DLGAP4: variants seen among roughly 807,000 people sequenced by gnomAD.
DLGAP4 encodes the protein DLG associated protein 4.
Under a neutral mutation model 86.9 loss-of-function variants are expected in DLGAP4, and 18 were observed. The ratio of observed to expected loss-of-function variants is 0.21; its 90% CI spans 0.14 to 0.31. DLGAP4 has a LOEUF of 0.31. Ranked by LOEUF, DLGAP4 falls within the 10% of genes least tolerant of loss-of-function variation. The pLI, the probability that DLGAP4 is intolerant of heterozygous loss-of-function variation, is 1.00. For synonymous variants in DLGAP4, 548 were observed against 574.3 expected (o/e 0.95, Z 0.65); for missense variants, 1,085 against 1,362.6 (o/e 0.80, Z 3.21).
At chr20:36,524,370 A>AG in intron 11 of DLGAP4, 29 bp downstream of exon 11, 1 of 1,592,402 alleles carries the variant, frequency 6.3e-7, no homozygotes, top group Non-Finnish European at 8.6e-7. Context: ...CCTCCACAGC[A>AG]GGGCTTCCAG....
chr20:36,510,010 C>G (rs2036601671), intron 10 of DLGAP4, among the ~76,000 whole-genome samples: 1 of 151,874 alleles, frequency 6.6e-6, no homozygotes, highest in African/African-American at 2.4e-5. Flanking sequence ...GCATGCGCCA[C>G]CACGCCCCAC....
chr20:36,413,216 G>A (rs1395756059), intron 2 of DLGAP4, among the ~76,000 whole-genome samples: 2 of 151,718 alleles, frequency 1.3e-5, no homozygotes, highest in African/African-American at 2.4e-5. Context: ...CACCTCAGAT[G>A]ATCCACCCAC....
At position 36,448,404 on chromosome 20, in the gene DLGAP4, T is replaced by C. The variant is rs777869176; in HGVS notation, c.1648+1467T>C. ...AGGAAAAACAGCACAATTTATTGTT[T>C]ATCAATAGTAGAGAGAGGTTTGAGC... On this transcript the variant is annotated intron_variant, in intron 7 of 12. Coordinates refer to ENST00000339266, the MANE Select transcript of DLGAP4 (RefSeq NM_001365621.2). Among the ~76,000 whole-genome samples, 11 of 152,174 alleles carry C rather than the reference T, an allele frequency of 7.2e-5. No individual in the cohort carries two copies. The East Asian group carries it at 2.1e-3, about 29-fold the overall frequency.
chr20:36,484,481 G>A (rs1448729471), intron 7 of DLGAP4, among the ~76,000 whole-genome samples: 3 of 152,260 alleles, frequency 2.0e-5, no homozygotes, highest in Non-Finnish European at 4.4e-5. Flanking sequence ...TGGCAACTGA[G>A]CAGGTCCCTC....
chr20:36,311,552 C>A (rs1164385037), intron 1 of DLGAP4, among the ~76,000 whole-genome samples: 1 of 152,186 alleles, frequency 6.6e-6, no homozygotes, highest in African/African-American at 2.4e-5. Flanking sequence ...ATAACTGTAT[C>A]ACTGGCTAGC....
intron 2 of DLGAP4, among the ~76,000 whole-genome samples, chr20:36,405,246 C>T (rs1012400168): frequency 3.3e-5 from 5 of 152,144 alleles, no homozygotes; most frequent in African/African-American, 1.2e-4. Context: ...TGGATTTAAA[C>T]GGCCTGGGTT....
intron 6 of DLGAP4, among the ~76,000 whole-genome samples, chr20:36,445,375 C>A (rs2033563445): frequency 1.3e-5 from 2 of 152,088 alleles, no homozygotes. Flanking sequence ...ATGGTGGCAC[C>A]TGCCTATAGT....
chr20:36,430,620 C>A (rs2033102191), intron 2 of DLGAP4, among the ~76,000 whole-genome samples: 1 of 127,072 alleles, frequency 7.9e-6, no homozygotes, highest in Admixed American at 9.7e-5. Context: ...GAGGCCAAGG[C>A]TGCAGTGAGC....
chr20:36,317,796 C>T (rs1454576562), intron 1 of DLGAP4, among the ~76,000 whole-genome samples: 1 of 152,032 alleles, frequency 6.6e-6, no homozygotes, highest in African/African-American at 2.4e-5. Context: ...GTGAGCATCT[C>T]TAGCTGGGTG....
At chr20:36,401,184 T>A (rs1022190129) in intron 2 of DLGAP4, among the ~76,000 whole-genome samples, 1 of 152,070 alleles carries the variant, frequency 6.6e-6, no homozygotes, top group African/African-American at 2.4e-5. Flanking sequence ...CCTGAGAAAA[T>A]GATATGCCTG....
intron 2 of DLGAP4, among the ~76,000 whole-genome samples, chr20:36,388,804 C>A (rs76324381): frequency 6.6e-6 from 1 of 152,146 alleles, no homozygotes; most frequent in Non-Finnish European, 1.5e-5. Flanking sequence ...ACTTTTCCTG[C>A]GATTATTACT....
intron 1 of DLGAP4, among the ~76,000 whole-genome samples, chr20:36,359,051 G>A (rs1221468275): frequency 6.6e-6 from 1 of 152,156 alleles, no homozygotes; most frequent in Non-Finnish European, 1.5e-5. Flanking sequence ...ATCCAGTAGG[G>A]TAACCATGAG....
At chr20:36,520,750 T>G (rs1391154734) in intron 10 of DLGAP4, among the ~76,000 whole-genome samples, 1 of 152,106 alleles carries the variant, frequency 6.6e-6, no homozygotes, top group African/African-American at 2.4e-5. Context: ...TTTTTTCCCC[T>G]TCTTTCATTG....
chr20:36,359,925 G>A (rs2030460403), intron 1 of DLGAP4, among the ~76,000 whole-genome samples: 1 of 152,200 alleles, frequency 6.6e-6, no homozygotes. Context: ...GGTAGGTGAG[G>A]TCAAGGCTAG....
At chr20:36,521,265 G>A (rs551123950) in intron 10 of DLGAP4, among the ~76,000 whole-genome samples, 1 of 152,146 alleles carries the variant, frequency 6.6e-6, no homozygotes, top group South Asian at 2.1e-4. Flanking sequence ...TCATAACCAT[G>A]ATCCCTCTGA....
Position 36,500,411 on chromosome 20 carries a change from C to T in DLGAP4, c.2312C>T (p.Ala771Val). The change falls in exon 10 of 13, where the codon GCC (alanine) becomes GTC (valine). Residue 771 changes from alanine (A) to valine (V), a missense_variant. Ala to Val is a moderately conservative substitution (Grantham distance 64, BLOSUM62 0). Around this residue, in one of 2 missense-constraint regions of DLGAP4, gnomAD observed 1,082 missense variants for 1,344.1 expected, o/e 0.81. Transcript: ENST00000339266. The surrounding 1 kb of genome is among the most constrained non-coding windows in gnomAD (Gnocchi z 4.6). ...TCCTATGGAGACAACAGCGACCCTG[C>T]CCTAGAGGCGTCCTCGCTGCCCCCA... ...NLSYGDNSDP[A>V]LEASSLPPPD... 6.3e-7 allele frequency: 1 copy of T among 1,584,630 alleles called. No homozygotes were observed. Among genetic ancestry groups the T allele is most frequent in the East Asian group, 2.3e-5 (1 of 44,198 alleles).
intron 7 of DLGAP4, among the ~76,000 whole-genome samples, chr20:36,469,268 A>G (rs894751581): frequency 1.3e-5 from 2 of 151,794 alleles, no homozygotes; most frequent in Non-Finnish European, 2.9e-5. Context: ...AGTCTGCAGC[A>G]GCAGCACACC....
chr20:36,485,925 A>G (rs2035391511), intron 7 of DLGAP4, among the ~76,000 whole-genome samples: 2 of 152,262 alleles, frequency 1.3e-5, no homozygotes, highest in Admixed American at 1.3e-4. Context: ...TCATTCCCAC[A>G]GCTTCATTGC....
intron 1 of DLGAP4, among the ~76,000 whole-genome samples, chr20:36,319,658 A>T (rs73905330): frequency 6.6e-6 from 1 of 152,166 alleles, no homozygotes; most frequent in Non-Finnish European, 1.5e-5. Flanking sequence ...TGGTCCAAAG[A>T]CCTCAGGGGT....
Sources: gnomAD v4.1 joint callset for allele counts (sites outside exome capture counted in the v4.1 genomes callset) on GRCh38, gnomAD v4.1.1 for gene constraint, gnomAD v4.1.1 regional missense constraint, Gnocchi (gnomAD v3.1) non-coding constraint, MANE v1.5 for transcripts, NCBI Gene and HGNC (gene_info 2026-07-23, HGNC 2026-07-21) for gene names.